Variants in GSE1 observed in about 807,000 individuals in gnomAD.
The protein encoded by GSE1 is Gse1 coiled-coil protein.
GSE1 carries 32 observed loss-of-function variants against 112.6 expected under a neutral mutation model. That is an observed-to-expected ratio of 0.28 (90% confidence interval 0.21 to 0.38). The LOEUF (loss-of-function observed/expected upper bound fraction) is 0.38. Among genes scored for constraint, GSE1 ranks in the 10% least tolerant of loss-of-function variants. GSE1 has a pLI of 1.00. For synonymous variants in GSE1, 1,115 were observed against 735.6 expected, an observed-to-expected ratio of 1.52 and a Z score of -8.35; for missense variants, 2,348 against 1,699.2, an observed-to-expected ratio of 1.38 and a Z score of -6.71.
intron 1 of GSE1, among the ~76,000 whole-genome samples, chr16:85,245,130 C>A (rs1905498277): frequency 6.6e-6 from 1 of 152,126 alleles, no homozygotes; most frequent in Admixed American, 6.5e-5. Context: ...TCACTGTACT[C>A]CAGCCTGGGT....
chr16:85,264,463 C>G (rs1908029326), intron 1 of GSE1, among the ~76,000 whole-genome samples: 1 of 152,092 alleles, frequency 6.6e-6, no homozygotes, highest in Non-Finnish European at 1.5e-5. Flanking sequence ...CTTGATTTCA[C>G]ATTGATTCCC....
chr16:85,243,284 AG>A (rs1372303216), intron 1 of GSE1, among the ~76,000 whole-genome samples: 1 of 152,250 alleles, frequency 6.6e-6, no homozygotes. Flanking sequence ...GCCGAGCTAC[AG>A]TCAAGGTGCC....
At chr16:85,382,941 G>A (rs1053236458) in intron 2 of GSE1, among the ~76,000 whole-genome samples, 1 of 147,822 alleles carries the variant, frequency 6.8e-6, no homozygotes, top group Non-Finnish European at 1.5e-5. Context: ...CACACAACAC[G>A]TACACATGCA....
rs2046099734 is a variant in GSE1 at position 85,321,182 on chromosome 16, AC to A, written c.2284-36280del. 2.0e-5 allele frequency among the ~76,000 whole-genome samples: 3 copies of A among 152,332 alleles called. No homozygotes were observed. The South Asian group carries it at 6.2e-4, about 32-fold the overall frequency. On this transcript the variant is annotated intron_variant, in intron 1 of 2. Transcript: ENST00000637419. ...CCGGTGTCCTAGAACAGTTCCTGGC[AC>A]ACAGTAGGTGCTCAACTCCATCTGT...
At chr16:85,298,577 G>C (rs763854255) in intron 1 of GSE1, among the ~76,000 whole-genome samples, 1 of 152,134 alleles carries the variant, frequency 6.6e-6, no homozygotes, top group Non-Finnish European at 1.5e-5. Flanking sequence ...CCAGGTGTGC[G>C]CCACCATGCC....
At chr16:85,438,389 C>G (rs753056901) in intron 2 of GSE1, among the ~76,000 whole-genome samples, 2 of 152,168 alleles carry the variant, frequency 1.3e-5, no homozygotes, top group African/African-American at 4.8e-5. Flanking sequence ...GGGCGCACCC[C>G]GCTCTGTTCT....
chr16:85,421,663 G>A (rs1021659023), intron 2 of GSE1, among the ~76,000 whole-genome samples: 4 of 152,088 alleles, frequency 2.6e-5, no homozygotes, highest in African/African-American at 7.2e-5. Flanking sequence ...TGGGGGCGTC[G>A]GGGGTGCTTC....
chr16:85,608,409 G>C (rs1402121605), upstream of GSE1, among the ~76,000 whole-genome samples: 1 of 152,176 alleles, frequency 6.6e-6, no homozygotes, highest in Admixed American at 6.5e-5. Flanking sequence ...GTGAATCCCA[G>C]GGTGCTCAGC....
At chr16:85,360,166 G>A (rs113021099) in intron 2 of GSE1, among the ~76,000 whole-genome samples, 2 of 152,150 alleles carry the variant, frequency 1.3e-5, no homozygotes, top group South Asian at 4.1e-4. Flanking sequence ...CCCTGGTCCC[G>A]GTGGCCACCA....
chr16:85,228,613 A>G (rs1387839662), intron 1 of GSE1, among the ~76,000 whole-genome samples: 2 of 152,230 alleles, frequency 1.3e-5, no homozygotes, highest in Non-Finnish European at 2.9e-5. Flanking sequence ...TCAGCAGTAC[A>G]GTCCCTGCCT....
chr16:85,666,590 G>GC, intron 13 of GSE1: 1 of 556,504 alleles, frequency 1.8e-6, no homozygotes, highest in East Asian at 3.1e-5. Context: ...TGTGCTGTGA[G>GC]CAGGGACGCA....
intron 1 of GSE1, among the ~76,000 whole-genome samples, chr16:85,188,143 C>G (rs1340958789): frequency 1.3e-5 from 2 of 152,168 alleles, no homozygotes; most frequent in East Asian, 1.9e-4. Flanking sequence ...TACCTGGGAT[C>G]CAGGCTCCCT....
intron 2 of GSE1, among the ~76,000 whole-genome samples, chr16:85,636,168 GC>G (rs2049980380): frequency 6.6e-6 from 1 of 152,206 alleles, no homozygotes. Context: ...CATGGTGGAT[GC>G]CCCCCAGGAA....
intron 2 of GSE1, chr16:85,490,785 A>T (rs1056053655): frequency 1.3e-5 from 2 of 152,236 alleles, no homozygotes; most frequent in African/African-American, 4.8e-5. Flanking sequence ...AATTGATTTA[A>T]ATCATTTTAT....
intron 1 of GSE1, among the ~76,000 whole-genome samples, chr16:85,226,736 T>C (rs1426403865): frequency 1.3e-5 from 2 of 149,208 alleles, no homozygotes; most frequent in African/African-American, 2.5e-5. Flanking sequence ...CTCCCTGGGC[T>C]GCCTGTGGTG....
rs118151915 is a variant in GSE1 at position 85,648,318 on chromosome 16, C to T, written c.227-234C>T. Among the ~76,000 whole-genome samples the T allele has an allele frequency of 2.3e-3, 357 of 152,082 alleles. 2 individuals carry two copies. Among genetic ancestry groups the T allele is most frequent in the East Asian group, 0.019 (96 of 5,144 alleles). ...TGCTTTGTGCCACGTGAGCAGGGCC[C>T]GTGGGGCAAAGGGATAGGGAGTGCC... is the stretch of plus-strand genomic sequence containing the variant. On this transcript the variant is annotated intron_variant, in intron 2 of 15. Coordinates refer to ENST00000253458, the MANE Select transcript of GSE1 (RefSeq NM_014615.5).
intron 1 of GSE1, chr16:85,306,082 C>A (rs1276608824): frequency 3.3e-5 from 5 of 153,740 alleles, no homozygotes; most frequent in Non-Finnish European, 7.3e-5. Flanking sequence ...CAGAGTGAGA[C>A]CCTGTCTGAA....
At chr16:85,417,902 C>T (rs12931249) in intron 2 of GSE1, among the ~76,000 whole-genome samples, 31,259 of 152,076 alleles carry the variant, frequency 0.21, 3,320 homozygotes, top group Middle Eastern at 0.29. Context: ...GGCAGGGGCT[C>T]GATCTCGGCT....
chr16:85,454,101 G>T lies in GSE1; in HGVS notation c.2464+96458G>T, dbSNP rs72798969. Among the ~76,000 whole-genome samples, 1,339 of 152,296 alleles carry T rather than the reference G, an allele frequency of 8.8e-3. 11 individuals carry two copies. The highest frequency in any genetic ancestry group is 0.015 in the Non-Finnish European group (1,006 of 67,996). On this transcript the variant is annotated intron_variant, in intron 2 of 2. Coordinates refer to the GSE1 transcript ENST00000637419. ...GAGGGAGCCACCCTGAACGTGGGGA[G>T]AATATAACCAAGGCCTGGTGGTAAC...
Sources: allele counts gnomAD v4.1 joint callset (sites outside exome capture counted in the v4.1 genomes callset), GRCh38; gene constraint gnomAD v4.1.1; transcripts MANE v1.5; gene names NCBI Gene and HGNC (gene_info 2026-07-23, HGNC 2026-07-21).